MAP3K2: variants seen among roughly 807,000 people sequenced by gnomAD.
MAP3K2 encodes mitogen-activated protein kinase kinase kinase 2.
MAP3K2 carries 24 observed loss-of-function variants against 80.3 expected under a neutral mutation model. That is an observed-to-expected ratio of 0.30 (90% confidence interval 0.22 to 0.42). The LOEUF (loss-of-function observed/expected upper bound fraction) is 0.42, where lower values mean the gene tolerates loss of function less well. MAP3K2 is among the 10% of genes least tolerant of loss of function. The pLI is 1.00. For synonymous variants in MAP3K2, 244 were observed against 253.7 expected, an observed-to-expected ratio of 0.96 and a Z score of 0.36; for missense variants, 608 against 750.1, an observed-to-expected ratio of 0.81 and a Z score of 2.21.
chr2:127,316,834 T>C (rs191600781), intron 14 of MAP3K2: 4 of 152,274 alleles, frequency 2.6e-5, no homozygotes, highest in Admixed American at 1.3e-4. Flanking sequence ...ACTTGGAGTT[T>C]ATAGTAAAAA....
chr2:127,372,293 T>C (rs919921825), intron 1 of MAP3K2, among the ~76,000 whole-genome samples: 8 of 152,116 alleles, frequency 5.3e-5, no homozygotes, highest in African/African-American at 1.9e-4. Context: ...TTTACCATAC[T>C]GGGTCCCCAA....
chr2:127,359,457 T>C (rs1367250977), intron 1 of MAP3K2, among the ~76,000 whole-genome samples: 1 of 152,216 alleles, frequency 6.6e-6, no homozygotes, highest in Non-Finnish European at 1.5e-5. Flanking sequence ...ATCTGAAATG[T>C]TGGCAAGGAT....
intron 1 of MAP3K2, among the ~76,000 whole-genome samples, chr2:127,353,607 G>A (rs878921438): frequency 4.0e-5 from 6 of 151,322 alleles, no homozygotes; most frequent in Admixed American, 6.6e-5. Context: ...CGCCCCGTCC[G>A]GGAGGGAGGT....
intron 14 of MAP3K2, 135 bp from the exon 15 acceptor site, chr2:127,315,018 A>C (rs1289419383): frequency 1.6e-6 from 1 of 633,062 alleles, no homozygotes; most frequent in African/African-American, 1.9e-5. Flanking sequence ...AATTTTACTT[A>C]TTTTGTTCTT....
chr2:127,376,359 T>A (rs1687151915), intron 1 of MAP3K2, among the ~76,000 whole-genome samples: 1 of 152,052 alleles, frequency 6.6e-6, no homozygotes. Flanking sequence ...TGCCCACCAG[T>A]GTGTTGACTC....
chr2:127,387,447 C>T lies in MAP3K2; in HGVS notation c.-66+5G>A. 1.0e-6 allele frequency: 1 copy of T among 986,348 alleles called. No individual in the cohort carries two copies. The highest frequency in any genetic ancestry group is 1.2e-6 in the Non-Finnish European group (1 of 831,036). The allele number at this position is 986,348 out of a possible 1,614,324, so 61.1% of individuals were successfully genotyped here. On this transcript the variant is annotated splice_donor_5th_base_variant and intron_variant, in intron 1 of 16. Coordinates refer to ENST00000682094, the MANE Select transcript of MAP3K2 (RefSeq NM_001371910.2). ...AAGCGCGCGCGCACGCACACACGCA[C>T]GTACCGGCTGCTCCGCAGGGACGTA...
chr2:127,366,405 A>G (rs1252092803), intron 1 of MAP3K2, among the ~76,000 whole-genome samples: 1 of 151,512 alleles, frequency 6.6e-6, no homozygotes, highest in Non-Finnish European at 1.5e-5. Context: ...AAAAAACCCA[A>G]CAAAACAAAA....
At position 127,299,228 on chromosome 2, in the gene MAP3K2, TTTTC is replaced by T. The variant is rs1243204680; in HGVS notation, c.*8347_*8350del. ...ATGGTACCGCATATTTAAAACAAAG[TTTTC>T]TTTAATACTACATTGTCTGATTGGA... On this transcript the variant is annotated 3_prime_UTR_variant, in exon 17 of 17. Transcript: ENST00000682094. 6.6e-6 allele frequency: 1 copy of T among 152,156 alleles called. No homozygotes were observed. Among genetic ancestry groups the T allele is most frequent in the Non-Finnish European group, 1.5e-5 (1 of 68,008 alleles). 9.4% of individuals were successfully genotyped at this position (152,156 alleles called of 1,614,324 possible). A position where few individuals can be genotyped will look rare whatever the true frequency, so the allele number is the denominator to read the frequency against.
intron 1 of MAP3K2, among the ~76,000 whole-genome samples, chr2:127,368,313 C>T (rs550012019): frequency 6.8e-6 from 1 of 147,564 alleles, no homozygotes; most frequent in African/African-American, 2.5e-5. Context: ...CAGAACAAGA[C>T]ACTGTCTCAA....
chr2:127,365,116 C>CAA (rs10558890), intron 1 of MAP3K2, among the ~76,000 whole-genome samples: 369 of 31,652 alleles, frequency 0.012, 138 homozygotes, highest in African/African-American at 0.015. Context: ...GACTCTGCCT[C>CAA]AAAAAAAAAA....
chr2:127,344,614 G>C (rs764321833), intron 1 of MAP3K2, among the ~76,000 whole-genome samples: 1 of 152,048 alleles, frequency 6.6e-6, no homozygotes, highest in Non-Finnish European at 1.5e-5. Flanking sequence ...ACGCTGCAGT[G>C]AACTATGATT....
At chr2:127,318,743 T>A (rs984145149) in intron 12 of MAP3K2, among the ~76,000 whole-genome samples, 1 of 152,212 alleles carries the variant, frequency 6.6e-6, no homozygotes, top group Admixed American at 6.5e-5. Context: ...ATCTGGGTAA[T>A]CTACAAAATT....
At chr2:127,353,705 A>G (rs1487388525) in intron 1 of MAP3K2, among the ~76,000 whole-genome samples, 5 of 151,880 alleles carry the variant, frequency 3.3e-5, no homozygotes, top group African/African-American at 1.2e-4. Context: ...GGAAGTGAGG[A>G]GCCCCTCTGC....
intron 1 of MAP3K2, among the ~76,000 whole-genome samples, chr2:127,359,711 T>C (rs1043988664): frequency 6.6e-6 from 1 of 152,152 alleles, no homozygotes; most frequent in Admixed American, 6.5e-5. Flanking sequence ...GCTGCTCTCC[T>C]GGTGGTGTTC....
intron 1 of MAP3K2, among the ~76,000 whole-genome samples, chr2:127,375,461 G>C (rs1336599570): frequency 6.7e-6 from 1 of 150,366 alleles, no homozygotes; most frequent in Non-Finnish European, 1.5e-5. Flanking sequence ...CCAAGCTGGA[G>C]TGCAGTGGTG....
intron 1 of MAP3K2, among the ~76,000 whole-genome samples, chr2:127,344,764 G>T (rs1405912669): frequency 6.6e-6 from 1 of 152,088 alleles, no homozygotes; most frequent in Non-Finnish European, 1.5e-5. Flanking sequence ...CCTTTCCCAA[G>T]ATACCTCACT....
chr2:127,345,448 C>T (rs561713462), intron 1 of MAP3K2, among the ~76,000 whole-genome samples: 36 of 152,250 alleles, frequency 2.4e-4, no homozygotes, highest in Non-Finnish European at 4.3e-4. Flanking sequence ...CAATGCCCTG[C>T]GTTCAATAAC....
chr2:127,369,867 A>G (rs891627200), intron 1 of MAP3K2, among the ~76,000 whole-genome samples: 2 of 152,214 alleles, frequency 1.3e-5, no homozygotes, highest in Non-Finnish European at 2.9e-5. Flanking sequence ...TTAACCAGTA[A>G]TGTTCCGTGT....
At chr2:127,380,819 T>C (rs1687232428) in intron 1 of MAP3K2, among the ~76,000 whole-genome samples, 2 of 152,088 alleles carry the variant, frequency 1.3e-5, no homozygotes, top group Admixed American at 6.6e-5. Flanking sequence ...TATAGATATA[T>C]AGATACATCT....
Sources: gnomAD v4.1 joint callset for allele counts (sites outside exome capture counted in the v4.1 genomes callset) on GRCh38, gnomAD v4.1.1 for gene constraint, MANE v1.5 for transcripts, NCBI Gene and HGNC (gene_info 2026-07-23, HGNC 2026-07-21) for gene names.